The following ST6GALNAC3 variants were observed in gnomAD, a reference collection of about 807,000 sequenced individuals.
ST6GALNAC3 encodes alpha-N-acetylgalactosaminide alpha-2,6-sialyltransferase 3.
In ST6GALNAC3, 25 loss-of-function variants were observed where a neutral mutation model predicts 32.7. The ratio of observed to expected loss-of-function variants is 0.76; its 90% CI spans 0.56 to 1.07. ST6GALNAC3 has a LOEUF of 1.07. ST6GALNAC3 is among the 50% of genes least tolerant of loss of function. ST6GALNAC3 has a pLI of 0.00. For missense variants in ST6GALNAC3, 355 were observed against 382.4 expected (o/e 0.93, Z 0.60); for synonymous variants, 129 against 133.1 (o/e 0.97, Z 0.21).
intron 3 of ST6GALNAC3, among the ~76,000 whole-genome samples, chr1:76,426,351 G>A (rs1049066368): frequency 1.3e-5 from 2 of 151,746 alleles, no homozygotes; most frequent in South Asian, 2.1e-4. Flanking sequence ...ACATGAGGTT[G>A]TTTGGGATTG....
chr1:76,106,835 C>T lies in ST6GALNAC3; in HGVS notation c.18+31951C>T, dbSNP rs922483052. 7.2e-5 allele frequency among the ~76,000 whole-genome samples: 11 copies of T among 152,330 alleles called. No individual in the cohort carries two copies. The East Asian group carries it at 2.1e-3, about 29-fold the overall frequency. ...AAAGTGTCATTTCTGAAGTATCTTT[C>T]CTTCCCTAGGCTCACTGCCATTGTC... is the stretch of plus-strand genomic sequence containing the variant. On this transcript the variant is annotated intron_variant, in intron 1 of 4. Transcript: ENST00000328299.
chr1:76,157,910 T>C (rs1213025773), intron 1 of ST6GALNAC3, among the ~76,000 whole-genome samples: 3 of 152,240 alleles, frequency 2.0e-5, no homozygotes, highest in African/African-American at 4.8e-5. Context: ...ATGTCTCCAC[T>C]TTCCACTTGA....
At chr1:76,493,291 G>T (rs1175083783) in intron 3 of ST6GALNAC3, among the ~76,000 whole-genome samples, 2 of 152,144 alleles carry the variant, frequency 1.3e-5, no homozygotes, top group African/African-American at 4.8e-5. Flanking sequence ...GGCACACCAA[G>T]CCTAGAGAAA....
In ST6GALNAC3 at chr1:76,148,910, A is replaced by G. The variant is rs187315419; in HGVS notation, c.18+74026A>G. Among the ~76,000 whole-genome samples, 3 of 152,364 alleles carry G rather than the reference A, an allele frequency of 2.0e-5. No individual in the cohort carries two copies. In the East Asian group the frequency reaches 5.8e-4, roughly 29 times the overall value. ...ACAGAAGTAGCAAAGGCTTAGAATCAGGCAGACTTGTGTTTCATCCTCAGA... is the reference window on the plus strand; with the variant it reads ...ACAGAAGTAGCAAAGGCTTAGAATCGGGCAGACTTGTGTTTCATCCTCAGA... On this transcript the variant is annotated intron_variant, in intron 1 of 4. Transcript: ENST00000328299.
intron 1 of ST6GALNAC3, among the ~76,000 whole-genome samples, chr1:76,183,724 CA>C (rs1404717392): frequency 3.3e-5 from 5 of 151,496 alleles, no homozygotes; most frequent in Non-Finnish European, 7.4e-5. Context: ...AATTGTGACA[CA>C]ATGGTAAGTA....
intron 1 of ST6GALNAC3, among the ~76,000 whole-genome samples, chr1:76,204,617 C>T (rs909617491): frequency 6.6e-6 from 1 of 152,198 alleles, no homozygotes. Flanking sequence ...TCAAATGGCA[C>T]TATTCTGTAT....
At chr1:76,521,296 TATAC>T (rs1390057395) in intron 3 of ST6GALNAC3, among the ~76,000 whole-genome samples, 1 of 151,708 alleles carries the variant, frequency 6.6e-6, no homozygotes, top group African/African-American at 2.4e-5. Context: ...TATATATATA[TATAC>T]ACACACACAC....
chr1:76,467,531 G>A (rs1467932402), intron 3 of ST6GALNAC3, among the ~76,000 whole-genome samples: 1 of 151,912 alleles, frequency 6.6e-6, no homozygotes, highest in Non-Finnish European at 1.5e-5. Flanking sequence ...GGCATTGAGA[G>A]TAAAGTAGAA....
At chr1:76,378,960 G>A (rs773149309) in intron 2 of ST6GALNAC3, among the ~76,000 whole-genome samples, 6 of 152,104 alleles carry the variant, frequency 3.9e-5, no homozygotes, top group Non-Finnish European at 5.9e-5. Flanking sequence ...GCAGTGGCGC[G>A]ATCTTGGCTC....
intron 3 of ST6GALNAC3, among the ~76,000 whole-genome samples, chr1:76,507,257 CTTTT>C (rs1398543142): frequency 2.0e-5 from 3 of 151,986 alleles, no homozygotes; most frequent in Non-Finnish European, 4.4e-5. Flanking sequence ...TTTTCCTTTT[CTTTT>C]TTAAAATAAA....
chr1:76,451,431 C>A (rs1453024304), intron 3 of ST6GALNAC3, among the ~76,000 whole-genome samples: 1 of 152,142 alleles, frequency 6.6e-6, no homozygotes, highest in African/African-American at 2.4e-5. Flanking sequence ...GAGAAACCTG[C>A]CCCTGTGATT....
chr1:76,399,583 G>A (rs1300912046), intron 2 of ST6GALNAC3, among the ~76,000 whole-genome samples: 2 of 152,040 alleles, frequency 1.3e-5, no homozygotes, highest in Non-Finnish European at 2.9e-5. Flanking sequence ...AAAAATGTTA[G>A]GATCAGTTTG....
chr1:76,281,889 T>G (rs1029703676), intron 1 of ST6GALNAC3, among the ~76,000 whole-genome samples: 2 of 152,116 alleles, frequency 1.3e-5, no homozygotes, highest in Admixed American at 1.3e-4. Flanking sequence ...TCTATTGAGG[T>G]CATACCAGGT....
chr1:76,144,135 A>AG (rs1364353678), intron 1 of ST6GALNAC3, among the ~76,000 whole-genome samples: 2 of 152,024 alleles, frequency 1.3e-5, no homozygotes, highest in African/African-American at 4.8e-5. Context: ...CACCACTAAA[A>AG]CCTCATGAGA....
intron 1 of ST6GALNAC3, among the ~76,000 whole-genome samples, chr1:76,075,599 C>G (rs1431866922): frequency 6.6e-6 from 1 of 152,200 alleles, no homozygotes; most frequent in East Asian, 1.9e-4. Context: ...TTAGCCTCAC[C>G]TGAGCATCTT....
intron 1 of ST6GALNAC3, among the ~76,000 whole-genome samples, chr1:76,219,456 C>T (rs1655648178): frequency 6.6e-6 from 1 of 152,168 alleles, no homozygotes; most frequent in South Asian, 2.1e-4. Context: ...AACCTCTGGG[C>T]TCTTAGATGT....
At chr1:76,196,558 C>T (rs903870057) in intron 1 of ST6GALNAC3, among the ~76,000 whole-genome samples, 24 of 151,984 alleles carry the variant, frequency 1.6e-4, no homozygotes, top group African/African-American at 5.1e-4. Context: ...CTCCTCCTCC[C>T]GGGTTCAAGC....
At chr1:76,140,330 C>A (rs1650233814) in intron 1 of ST6GALNAC3, among the ~76,000 whole-genome samples, 1 of 152,140 alleles carries the variant, frequency 6.6e-6, no homozygotes, top group Non-Finnish European at 1.5e-5. Flanking sequence ...CTTGCTGTGC[C>A]TCTGAAGGAA....
In ST6GALNAC3 at chr1:76,488,158, T is replaced by C. The variant is rs546985632; in HGVS notation, c.623+75741T>C. Among the ~76,000 whole-genome samples the C allele has an allele frequency of 2.6e-5, 4 of 152,248 alleles. No individual in the cohort carries two copies. The South Asian group carries it at 8.3e-4, about 32-fold the overall frequency. The stretch of plus-strand genomic sequence containing the variant: ...TGGAGCTAGGGCCTGGTGGAAGGTG[T>C]TTGGATGATAAAGACTGATCCTTCA... On this transcript the variant is annotated intron_variant, in intron 3 of 4. Coordinates refer to ENST00000328299, the MANE Select transcript of ST6GALNAC3 (RefSeq NM_152996.4).
Sources: allele counts gnomAD v4.1 joint callset (sites outside exome capture counted in the v4.1 genomes callset), GRCh38; gene constraint gnomAD v4.1.1; transcripts MANE v1.5; gene names NCBI Gene and HGNC (gene_info 2026-07-23, HGNC 2026-07-21).